The following DCPH1 variants were observed in gnomAD, a reference collection of about 807,000 sequenced individuals.
DCPH1 encodes the protein damage-control phosphatase 1.
At chr6:151,457,522 T>C in the DCPH1 span, among the ~76,000 whole-genome samples, 1 of 152,144 alleles carries the variant, frequency 6.6e-6, no homozygotes, top group African/African-American at 2.4e-5. Context: ...TACAACTTCT[T>C]TTCTTCTATT....
the DCPH1 span, among the ~76,000 whole-genome samples, chr6:151,464,838 TC>T: frequency 1.3e-5 from 2 of 152,246 alleles, no homozygotes; most frequent in Non-Finnish European, 2.9e-5. Context: ...TTATCTGACT[TC>T]CTAGCTTCTG....
the DCPH1 span, among the ~76,000 whole-genome samples, chr6:151,459,518 G>A: frequency 2.0e-5 from 3 of 152,082 alleles, no homozygotes; most frequent in African/African-American, 7.2e-5. Context: ...TAGACCAGGC[G>A]TGGTGGCTCA....
the DCPH1 span, among the ~76,000 whole-genome samples, chr6:151,466,318 G>A: frequency 6.6e-6 from 1 of 151,950 alleles, no homozygotes; most frequent in South Asian, 2.1e-4. Flanking sequence ...TGGCATGCTA[G>A]TTCTTGACTC....
At chr6:151,469,887 A>G in the DCPH1 span, 1 of 152,240 alleles carries the variant, frequency 6.6e-6, no homozygotes, top group Non-Finnish European at 1.5e-5. Context: ...CAGTTTTAGG[A>G]AAATGCTTTA....
At chr6:151,467,308 A>G in the DCPH1 span, among the ~76,000 whole-genome samples, 5 of 149,792 alleles carry the variant, frequency 3.3e-5, no homozygotes, top group African/African-American at 1.2e-4. Context: ...ATTTTAAATC[A>G]CAAATGAGGG....
At chr6:151,460,604 T>C in the DCPH1 span, among the ~76,000 whole-genome samples, 1 of 151,594 alleles carries the variant, frequency 6.6e-6, no homozygotes, top group Non-Finnish European at 1.5e-5. Flanking sequence ...GCCAACATGC[T>C]GAAACCCCGT....
At chr6:151,467,531 TTA>T in the DCPH1 span, among the ~76,000 whole-genome samples, 3 of 152,162 alleles carry the variant, frequency 2.0e-5, no homozygotes, top group Non-Finnish European at 2.9e-5. Flanking sequence ...TTTACATGCA[TTA>T]TATCAATTCT....
the DCPH1 span, among the ~76,000 whole-genome samples, chr6:151,454,942 A>C: frequency 5.0e-4 from 76 of 152,352 alleles, no homozygotes; most frequent in East Asian, 0.011. Flanking sequence ...CAATTGACTT[A>C]GTCAAGTGAC....
the DCPH1 span, among the ~76,000 whole-genome samples, chr6:151,455,650 G>A: frequency 1.3e-5 from 2 of 152,294 alleles, no homozygotes; most frequent in Admixed American, 6.5e-5. Flanking sequence ...GTTTTATACC[G>A]AGACATTCCA....
At chr6:151,464,139 A>G in the DCPH1 span, among the ~76,000 whole-genome samples, 1 of 152,322 alleles carries the variant, frequency 6.6e-6, no homozygotes, top group South Asian at 2.1e-4. Flanking sequence ...AGTTGTCTTG[A>G]AATTTATCTT....
At chr6:151,452,484 T>G in the DCPH1 span, 1 of 1,585,862 alleles carries the variant, frequency 6.3e-7, no homozygotes, top group Non-Finnish European at 8.6e-7. Flanking sequence ...TTCGCGGCGG[T>G]ACCGCCTCTG....
chr6:151,455,019 T>G, the DCPH1 span, among the ~76,000 whole-genome samples: 2 of 152,208 alleles, frequency 1.3e-5, no homozygotes. Context: ...AGTATTTATA[T>G]TACTAATTTG....
chr6:151,464,266 G>A, the DCPH1 span, among the ~76,000 whole-genome samples: 1 of 152,138 alleles, frequency 6.6e-6, no homozygotes, highest in Non-Finnish European at 1.5e-5. Context: ...CAATTAAAAT[G>A]AGTTTGAGAG....
chr6:151,458,241 C>T, the DCPH1 span: 5 of 1,472,762 alleles, frequency 3.4e-6, no homozygotes, highest in African/African-American at 2.8e-5. Context: ...TTTTTCTTTT[C>T]TTCTTAAGTC....
the DCPH1 span, chr6:151,452,639 G>C: frequency 1.3e-6 from 2 of 1,571,108 alleles, no homozygotes; most frequent in African/African-American, 2.8e-5. Context: ...GCCTCGCCGG[G>C]AGCCTGTGGG....
the DCPH1 span, among the ~76,000 whole-genome samples, chr6:151,467,850 G>GT: frequency 6.6e-6 from 1 of 152,156 alleles, no homozygotes; most frequent in East Asian, 1.9e-4. Context: ...ACTTTGTTCA[G>GT]TTTTTTAAAT....
At chr6:151,453,500 A>C in the DCPH1 span, among the ~76,000 whole-genome samples, 1 of 152,356 alleles carries the variant, frequency 6.6e-6, no homozygotes, top group South Asian at 2.1e-4. Flanking sequence ...TGATCAACGT[A>C]GTTATTATGC....
chr6:151,452,555 G>A, the DCPH1 span: 7 of 1,611,454 alleles, frequency 4.3e-6, no homozygotes, highest in Non-Finnish European at 5.9e-6. Context: ...GATGGCTGTC[G>A]TCCCGGCGTC....
At chr6:151,469,114 G>A in the DCPH1 span, 1 of 1,594,884 alleles carries the variant, frequency 6.3e-7, no homozygotes, top group Non-Finnish European at 8.5e-7. Context: ...CCTTTGACTT[G>A]ATTTAGGAGC....
Sources: gnomAD v4.1 joint callset for allele counts (sites outside exome capture counted in the v4.1 genomes callset) on GRCh38, gnomAD v4.1.1 for gene constraint, MANE v1.5 for transcripts, NCBI Gene and HGNC (gene_info 2026-07-23, HGNC 2026-07-21) for gene names.